Variants in GPBP1 observed in about 807,000 individuals in gnomAD.
The protein encoded by GPBP1 is vasculin.
Under a neutral mutation model 56.5 loss-of-function variants are expected in GPBP1, and 13 were observed. The ratio of observed to expected loss-of-function variants is 0.23; its 90% CI spans 0.15 to 0.37. The LOEUF is 0.37. GPBP1 is among the 10% of genes least tolerant of loss of function. The pLI is 1.00. For synonymous variants in GPBP1, 204 were observed against 188.9 expected (o/e 1.08, Z -0.66); for missense variants, 477 against 572.3 (o/e 0.83, Z 1.70).
chr5:57,232,113 G>GCAGTCTTGTCTGGGCT (rs1253117641), intron 5 of GPBP1, among the ~76,000 whole-genome samples: 27 of 152,194 alleles, frequency 1.8e-4, no homozygotes, highest in African/African-American at 6.3e-4. Flanking sequence ...CTGGGCTCAG[G>GCAGTCTTGTCTGGGCT]CAGTCCTCTC....
chr5:57,222,697 G>A (rs1337596101), intron 3 of GPBP1, among the ~76,000 whole-genome samples: 1 of 152,004 alleles, frequency 6.6e-6, no homozygotes, highest in Non-Finnish European at 1.5e-5. Flanking sequence ...CTTTGATAAT[G>A]GTAAGGTAAA....
At chr5:57,210,155 C>T (rs1406695093) in intron 2 of GPBP1, among the ~76,000 whole-genome samples, 7 of 152,012 alleles carry the variant, frequency 4.6e-5, no homozygotes, top group Non-Finnish European at 1.0e-4. Context: ...GTATTTTTTG[C>T]CAAAGTGTAT....
chr5:57,235,413 CTT>C (rs750088423), intron 5 of GPBP1, among the ~76,000 whole-genome samples: 4 of 142,826 alleles, frequency 2.8e-5, no homozygotes, highest in African/African-American at 5.1e-5. Flanking sequence ...TTTTTCTTTT[CTT>C]TTTTTTTTTT....
intron 6 of GPBP1, among the ~76,000 whole-genome samples, chr5:57,238,739 GTCT>G (rs892407604): frequency 2.0e-5 from 3 of 152,074 alleles, no homozygotes; most frequent in Admixed American, 6.6e-5. Context: ...CTTAAGCATG[GTCT>G]TCTTCCAACT....
intron 10 of GPBP1, among the ~76,000 whole-genome samples, chr5:57,257,553 T>G (rs975633088): frequency 2.0e-5 from 3 of 152,210 alleles, no homozygotes; most frequent in Non-Finnish European, 4.4e-5. Context: ...GGTTTGGGGA[T>G]AGAGATCATT....
intron 2 of GPBP1, among the ~76,000 whole-genome samples, chr5:57,180,672 A>G (rs1282991648): frequency 6.6e-6 from 1 of 152,180 alleles, no homozygotes; most frequent in Non-Finnish European, 1.5e-5. Context: ...TAGTTTCTTC[A>G]TTATACTGAT....
chr5:57,250,115 ATATT>A (rs1580076485), intron 9 of GPBP1, among the ~76,000 whole-genome samples: 1 of 147,514 alleles, frequency 6.8e-6, no homozygotes, highest in South Asian at 2.2e-4. Flanking sequence ...AGCTGGGACT[ATATT>A]TATGTGCCAC....
chr5:57,241,397 A>C (rs1740819865), intron 6 of GPBP1, among the ~76,000 whole-genome samples: 1 of 152,216 alleles, frequency 6.6e-6, no homozygotes, highest in African/African-American at 2.4e-5. Flanking sequence ...AAGAGCATGA[A>C]TAACAAGACA....
chr5:57,177,181 A>T (rs191368783), intron 2 of GPBP1, among the ~76,000 whole-genome samples: 60 of 152,118 alleles, frequency 3.9e-4, no homozygotes, highest in Admixed American at 1.1e-3. Flanking sequence ...GCTTTTTTTT[A>T]AAAAAAGTTG....
intron 2 of GPBP1, among the ~76,000 whole-genome samples, chr5:57,198,553 C>T (rs1338568751): frequency 6.6e-6 from 1 of 151,872 alleles, no homozygotes; most frequent in Non-Finnish European, 1.5e-5. Context: ...TTCTATAGTT[C>T]TTTATAAATA....
chr5:57,245,241 C>T (rs1464611609), intron 6 of GPBP1, among the ~76,000 whole-genome samples: 1 of 152,044 alleles, frequency 6.6e-6, no homozygotes, highest in Non-Finnish European at 1.5e-5. Flanking sequence ...AAAGATGAAC[C>T]TTTTCTCAGA....
rs57842877 is a variant in GPBP1, at chr5:57,210,280, T to C, written c.-57-3794T>C. 4.7e-3 allele frequency among the ~76,000 whole-genome samples: 717 copies of C among 152,314 alleles called. 2 individuals carry two copies. Among genetic ancestry groups the C allele is most frequent in the African/African-American group, 0.016 (685 of 41,566 alleles). On this transcript the variant is annotated intron_variant, in intron 2 of 11. Transcript: ENST00000506184. ...AGAACCAGCTTTCTCCCGGGGAAAT[T>C]TTTATTCTTCATGGATGTCGTGAAT... is the stretch of plus-strand genomic sequence containing the variant.
intron 2 of GPBP1, among the ~76,000 whole-genome samples, chr5:57,204,161 C>A (rs1755132741): frequency 6.6e-6 from 1 of 150,396 alleles, no homozygotes; most frequent in Admixed American, 6.6e-5. Context: ...CTGAAGCAAA[C>A]AATTCAGTGG....
chr5:57,215,107 T>C (rs1755648557), intron 3 of GPBP1, among the ~76,000 whole-genome samples: 3 of 152,252 alleles, frequency 2.0e-5, no homozygotes, highest in Admixed American at 2.0e-4. Context: ...TCTTACCTTT[T>C]TCTATACTGT....
chr5:57,192,746 T>A (rs1229481253), intron 2 of GPBP1, among the ~76,000 whole-genome samples: 1 of 95,546 alleles, frequency 1.0e-5, no homozygotes, highest in Non-Finnish European at 2.0e-5. Context: ...AGAGCGGAAC[T>A]CCGTCTCAAA....
intron 2 of GPBP1, among the ~76,000 whole-genome samples, chr5:57,186,979 T>C (rs1209297920): frequency 6.6e-6 from 1 of 151,386 alleles, no homozygotes; most frequent in African/African-American, 2.4e-5. Flanking sequence ...TCAAATTATG[T>C]GTGTCTATTT....
At position 57,244,725 on chromosome 5, in the gene GPBP1, A is replaced by AG. The variant is rs1178064872; in HGVS notation, c.479-1574dup. Among the ~76,000 whole-genome samples, 409 of 135,374 alleles carry AG rather than the reference A, an allele frequency of 3.0e-3. 6 individuals carry two copies. Among genetic ancestry groups the AG allele is most frequent in the African/African-American group, 0.01 (357 of 35,344 alleles). The allele number at this position is 135,374 out of a possible 152,430, so 88.8% of individuals were successfully genotyped here. On this transcript the variant is annotated intron_variant, in intron 6 of 11. Coordinates refer to ENST00000506184, the MANE Select transcript of GPBP1 (RefSeq NM_022913.4). The stretch of plus-strand genomic sequence containing the variant: ...AATATTATTTACTATTCTTTGTTTG[A>AG]GATTTTTTTTTTTTTTTTTTTTTTT...
intron 11 of GPBP1, among the ~76,000 whole-genome samples, chr5:57,261,598 G>A (rs1741895931): frequency 6.6e-6 from 1 of 152,138 alleles, no homozygotes; most frequent in Non-Finnish European, 1.5e-5. Flanking sequence ...GTGTGCAATA[G>A]TTAGGAATTA....
At chr5:57,204,770 T>G (rs1755159678) in intron 2 of GPBP1, among the ~76,000 whole-genome samples, 1 of 152,200 alleles carries the variant, frequency 6.6e-6, no homozygotes, top group East Asian at 1.9e-4. Context: ...ATTTGTTGAT[T>G]AAGGGTGCAT....
Sources: allele counts gnomAD v4.1 joint callset (sites outside exome capture counted in the v4.1 genomes callset), GRCh38; gene constraint gnomAD v4.1.1; transcripts MANE v1.5; gene names NCBI Gene and HGNC (gene_info 2026-07-23, HGNC 2026-07-21).